Variants in SHISA5 observed in about 807,000 individuals in gnomAD.
SHISA5 encodes protein shisa-5.
Under a neutral mutation model 27.5 loss-of-function variants are expected in SHISA5, and 21 were observed. The ratio of observed to expected loss-of-function variants is 0.76; its 90% confidence interval spans 0.54 to 1.10. SHISA5 has a LOEUF of 1.10. Ranked by LOEUF, SHISA5 falls within the 50% of genes least tolerant of loss-of-function variation. SHISA5 has a pLI of 0.00. For synonymous variants in SHISA5, 137 were observed against 142.2 expected, an observed-to-expected ratio of 0.96 and a Z score of 0.26; for missense variants, 314 against 336.3, an observed-to-expected ratio of 0.93 and a Z score of 0.52.
In SHISA5 at chr3:48,473,007, C is replaced by A; in HGVS notation, c.315-3164G>T. ...ACACACGCAGCATGGCGCCCAAGCTCACCCCATGTTAGCCTCTGCCTTCAC... is the reference window on the plus strand; with the variant it reads ...ACACACGCAGCATGGCGCCCAAGCTAACCCCATGTTAGCCTCTGCCTTCAC... On this transcript the variant is annotated intron_variant, in intron 3 of 5. Coordinates refer to ENST00000296444, the MANE Select transcript of SHISA5 (RefSeq NM_016479.6). This position sits in a 1 kb window ranked among gnomAD's most constrained non-coding sequence, Gnocchi z 4.3. The A allele has an allele frequency of 6.5e-7, 1 of 1,536,046 alleles. No homozygotes were observed. The highest frequency in any genetic ancestry group is 8.7e-7 in the Non-Finnish European group (1 of 1,146,808).
At chr3:48,472,367 G>T (rs1456815378) in intron 3 of SHISA5, among the ~76,000 whole-genome samples, 1 of 151,196 alleles carries the variant, frequency 6.6e-6, no homozygotes, top group Non-Finnish European at 1.5e-5. Context: ...GTGGTGGCAC[G>T]TGCCTGTGGT....
At chr3:48,483,419 C>A (rs1306696980) in intron 2 of SHISA5, among the ~76,000 whole-genome samples, 1 of 152,142 alleles carries the variant, frequency 6.6e-6, no homozygotes, top group Non-Finnish European at 1.5e-5. Flanking sequence ...GGTCATAGAT[C>A]AACAGGATCC....
At chr3:48,483,803 G>A (rs1436141607) in intron 2 of SHISA5, among the ~76,000 whole-genome samples, 1 of 150,424 alleles carries the variant, frequency 6.6e-6, no homozygotes. Context: ...GGGGCGGCTG[G>A]CCGGGCGGGG....
At chr3:48,493,498 T>A (rs1228717648) in intron 2 of SHISA5, among the ~76,000 whole-genome samples, 1 of 141,358 alleles carries the variant, frequency 7.1e-6, no homozygotes, top group African/African-American at 2.9e-5. Context: ...ATAAATAAAT[T>A]CCTTAGAAAT....
chr3:48,495,529 T>C (rs2041515574), intron 2 of SHISA5, among the ~76,000 whole-genome samples: 1 of 146,472 alleles, frequency 6.8e-6, no homozygotes, highest in Non-Finnish European at 1.5e-5. Context: ...TCCACTTTTT[T>C]CGGGGGCAGG....
chr3:48,503,165 A>G (rs1452259589), intron 1 of SHISA5: 6 of 1,289,786 alleles, frequency 4.7e-6, no homozygotes, highest in Middle Eastern at 2.1e-4. Flanking sequence ...CAAGGTCTTC[A>G]CAGCCCAATC....
Position 48,492,326 on chromosome 3 carries a change from C to A in SHISA5, c.233+8811G>T, listed in dbSNP as rs1194918014. The stretch of plus-strand genomic sequence containing the variant: ...TCTACTAAAAATACAAAAAATTAGC[C>A]GGGCGCGGTGGCGGGCGCCTGTAGT... On this transcript the variant is annotated intron_variant, in intron 2 of 5. Transcript: ENST00000296444. Among the ~76,000 whole-genome samples, 2 of 151,444 alleles carry A rather than the reference C, an allele frequency of 1.3e-5. 1 individual carries two copies. The highest frequency in any genetic ancestry group is 4.9e-5 in the African/African-American group (2 of 40,912).
At chr3:48,489,465 G>A (rs971209807) in intron 2 of SHISA5, among the ~76,000 whole-genome samples, 37 of 151,230 alleles carry the variant, frequency 2.4e-4, no homozygotes, top group Non-Finnish European at 4.7e-4. Context: ...CACTACAGGC[G>A]CCCGCCACCA....
At chr3:48,492,894 A>G (rs2041474442) in intron 2 of SHISA5, among the ~76,000 whole-genome samples, 2 of 147,436 alleles carry the variant, frequency 1.4e-5, no homozygotes, top group South Asian at 4.2e-4. Flanking sequence ...CATAACCAGG[A>G]AGAAGGCCCT....
At position 48,469,337 on chromosome 3, in the gene SHISA5, G is replaced by T; in HGVS notation, c.643+24C>A. ...GCAGAGACTCGGGAAGTCGGGCAGG[G>T]CTAGAGTTGGCAGGGGCACTCACCA... On this transcript the variant is annotated intron_variant, in intron 5 of 5. Coordinates refer to ENST00000296444, the MANE Select transcript of SHISA5 (RefSeq NM_016479.6). This position sits in a 1 kb window ranked among gnomAD's most constrained non-coding sequence, Gnocchi z 4.6. The T allele has an allele frequency of 3.2e-6, 5 of 1,574,908 alleles. No individual in the cohort carries two copies. Among genetic ancestry groups the T allele is most frequent in the Non-Finnish European group, 4.3e-6 (5 of 1,158,734 alleles).
At position 48,488,632 on chromosome 3, in the gene SHISA5, G is replaced by C. The variant is rs550214589; in HGVS notation, c.234-9375C>G. 1.3e-3 allele frequency among the ~76,000 whole-genome samples: 193 copies of C among 150,948 alleles called. No homozygotes were observed. The Middle Eastern group carries it at 0.028, about 22-fold the overall frequency. On this transcript the variant is annotated intron_variant, in intron 2 of 5. Transcript: ENST00000296444. ...GCAGATCACCTGATGTCGGGAGTTC[G>C]AGACCAGCCTGGCCAACATGGAGAA...
intron 1 of SHISA5, chr3:48,502,587 C>T: frequency 2.9e-6 from 1 of 348,796 alleles, no homozygotes; most frequent in Admixed American, 3.7e-5. Context: ...TGGATGACCA[C>T]AAGGTTTACA....
intron 3 of SHISA5, among the ~76,000 whole-genome samples, chr3:48,476,121 T>A (rs1426038978): frequency 6.6e-6 from 1 of 151,902 alleles, no homozygotes. Context: ...GGCGGGCAGA[T>A]CACAAGGTCA....
Position 48,469,001 on chromosome 3 carries a change from T to C in SHISA5, c.*106A>G, listed in dbSNP as rs3135954. 19 of 1,577,128 alleles carry C rather than the reference T, an allele frequency of 1.2e-5. No homozygotes were observed. The highest frequency in any genetic ancestry group is 1.1e-4 in the African/African-American group (8 of 74,708). On this transcript the variant is annotated 3_prime_UTR_variant, in exon 6 of 6. Transcript: ENST00000296444. The surrounding 1 kb of genome is among the most constrained non-coding windows in gnomAD (Gnocchi z 4.6). ...AGCACACATGGGGCGTAAGGAACCG[T>C]GCCTGGACACACACAGCACACATGG...
intron 2 of SHISA5, among the ~76,000 whole-genome samples, chr3:48,488,576 G>A (rs1476097762): frequency 1.4e-5 from 2 of 145,828 alleles, no homozygotes; most frequent in Non-Finnish European, 3.0e-5. Context: ...GCTCACGCCT[G>A]TAATCCCAGC....
chr3:48,500,572 G>C (rs976054803), intron 2 of SHISA5, among the ~76,000 whole-genome samples: 1 of 152,098 alleles, frequency 6.6e-6, no homozygotes, highest in Non-Finnish European at 1.5e-5. Context: ...CAAACACAAA[G>C]GAAATACAGA....
intron 3 of SHISA5, among the ~76,000 whole-genome samples, chr3:48,475,073 A>T (rs988153258): frequency 6.6e-6 from 1 of 152,100 alleles, no homozygotes; most frequent in East Asian, 1.9e-4. Context: ...CCACCACTAT[A>T]TTTCCAGTGC....
intron 2 of SHISA5, among the ~76,000 whole-genome samples, chr3:48,499,597 G>T (rs112771295): frequency 1.4e-5 from 2 of 147,442 alleles, no homozygotes; most frequent in African/African-American, 2.5e-5. Flanking sequence ...GGAGAATGGC[G>T]TGAACCTGGG....
In SHISA5 at chr3:48,483,880, TAATTTTTTG is replaced by T. The variant is rs1436318316; in HGVS notation, c.234-4632_234-4624del. 2.5e-4 allele frequency among the ~76,000 whole-genome samples: 38 copies of T among 152,188 alleles called. 2 individuals are homozygous for T. Among genetic ancestry groups the T allele is most frequent in the African/African-American group, 7.9e-4 (33 of 41,530 alleles). On this transcript the variant is annotated intron_variant, in intron 2 of 5. Transcript: ENST00000296444. Reference sequence around the variant, plus strand: ...GGGCGGGGGGCTGACCCCACCTAGCTAATTTTTTGAATTTTTTGTAGACATAAGGTCTCA... The same window carrying T: ...GGGCGGGGGGCTGACCCCACCTAGCTAATTTTTTGTAGACATAAGGTCTCA...
Sources: gnomAD v4.1 joint callset for allele counts (sites outside exome capture counted in the v4.1 genomes callset) on GRCh38, gnomAD v4.1.1 for gene constraint, Gnocchi (gnomAD v3.1) non-coding constraint, MANE v1.5 for transcripts, NCBI Gene and HGNC (gene_info 2026-07-23, HGNC 2026-07-21) for gene names.